Variants in TET2 observed in about 807,000 individuals in gnomAD.
The protein encoded by TET2 is methylcytosine dioxygenase TET2.
Under a neutral mutation model 142.9 loss-of-function variants are expected in TET2, and 299 were observed. The observed-to-expected ratio is 2.09, with a 90% CI of 1.90 to 2.30. The LOEUF (loss-of-function observed/expected upper bound fraction) is 2.30. Ranked by LOEUF, TET2 falls within the 30% of genes most tolerant of loss-of-function variation. The pLI is 0.00. For synonymous variants in TET2, 819 were observed against 849.0 expected, an observed-to-expected ratio of 0.96 and a Z score of 0.61; for missense variants, 2,418 against 2,378.0, an observed-to-expected ratio of 1.02 and a Z score of -0.35.
chr4:105,265,722 C>T (rs562192825), intron 8 of TET2, among the ~76,000 whole-genome samples: 1 of 152,242 alleles, frequency 6.6e-6, no homozygotes, highest in African/African-American at 2.4e-5. Flanking sequence ...ACAGAGACTA[C>T]ATATGCCGTT....
At chr4:105,193,479 G>A (rs1725904052) in intron 2 of TET2, among the ~76,000 whole-genome samples, 2 of 152,080 alleles carry the variant, frequency 1.3e-5, no homozygotes, top group African/African-American at 4.8e-5. Flanking sequence ...GTGAATTCTT[G>A]TATTTAGCTA....
intron 6 of TET2, among the ~76,000 whole-genome samples, chr4:105,246,077 C>T (rs1302077591): frequency 2.0e-5 from 3 of 152,124 alleles, no homozygotes; most frequent in Admixed American, 6.5e-5. Context: ...ATTACAGGCA[C>T]CCACCCGGCT....
intron 1 of TET2, chr4:105,171,269 C>A (rs1281022372): frequency 6.6e-6 from 1 of 151,674 alleles, no homozygotes; most frequent in Non-Finnish European, 1.5e-5. Flanking sequence ...GGATGTAGAC[C>A]AATACTATTA....
At chr4:105,237,579 A>G (rs1578681220) in intron 3 of TET2, 4 of 1,480,476 alleles carry the variant, frequency 2.7e-6, no homozygotes, top group Non-Finnish European at 3.6e-6. Flanking sequence ...ATAATCGTGC[A>G]TGTTTATTTT....
intron 1 of TET2, among the ~76,000 whole-genome samples, chr4:105,150,124 A>T (rs1198937814): frequency 6.6e-6 from 1 of 152,188 alleles, no homozygotes; most frequent in Non-Finnish European, 1.5e-5. Flanking sequence ...TCATAGGCAC[A>T]CCTCACAGAA....
intron 2 of TET2, among the ~76,000 whole-genome samples, chr4:105,220,883 G>A (rs1190644929): frequency 6.6e-6 from 1 of 152,042 alleles, no homozygotes; most frequent in East Asian, 1.9e-4. Flanking sequence ...GGGCATCCTT[G>A]CCCTGGACAG....
In TET2 at chr4:105,243,721, C is replaced by G. The variant is rs1296610391; in HGVS notation, c.3746C>G (p.Thr1249Ser). ...GCTGACAAACTCTACTCGGAGCTTA[C>G]CGAGACGCTGAGGAAATACGGCACG... is the stretch of plus-strand genomic sequence containing the variant. ...SLADKLYSEL[T>S]ETLRKYGTLT... is the part of the protein sequence containing the mutation. The change falls in exon 6 of 11, where the codon ACC (threonine) becomes AGC (serine). Residue 1249 changes from threonine (T) to serine (S), a missense_variant. Thr to Ser is a moderately conservative substitution (Grantham distance 58). Transcript: ENST00000380013. The G allele has an allele frequency of 6.4e-7, 1 of 1,551,470 alleles. No homozygotes were observed. The highest frequency in any genetic ancestry group is 2.0e-5 in the Admixed American group (1 of 50,966).
intron 9 of TET2, among the ~76,000 whole-genome samples, chr4:105,271,098 G>A (rs1730931782): frequency 6.6e-6 from 1 of 152,102 alleles, no homozygotes; most frequent in African/African-American, 2.4e-5. Context: ...CACATTGTTT[G>A]GTGGGGTTTT....
intron 2 of TET2, among the ~76,000 whole-genome samples, chr4:105,221,348 G>A (rs1186161132): frequency 6.6e-6 from 1 of 152,086 alleles, no homozygotes; most frequent in Non-Finnish European, 1.5e-5. Context: ...TACTAAACTG[G>A]CAGGTGTCTC....
At chr4:105,197,140 T>G (rs1265014306) in intron 2 of TET2, among the ~76,000 whole-genome samples, 1 of 152,192 alleles carries the variant, frequency 6.6e-6, no homozygotes, top group Admixed American at 6.5e-5. Flanking sequence ...TTCACTAAAG[T>G]ATCCTATCAA....
rs1461710063 is a variant in TET2 at position 105,243,588 on chromosome 4, A to G, written c.3613A>G (p.Ser1205Gly). The G allele has an allele frequency of 6.4e-7, 1 of 1,551,626 alleles. No individual in the cohort carries two copies. Among genetic ancestry groups the G allele is most frequent in the Admixed American group, 2.0e-5 (1 of 51,002 alleles). ...CACGCAGGTGGTTCGCAGAAGCAGC[A>G]GTGAAGAGAAGCTACTGTGTTTGGT... is the stretch of plus-strand genomic sequence containing the variant. ...IAKWVVRRSSSEEKLLCLVRE... is the reference protein window; with the variant it reads ...IAKWVVRRSSGEEKLLCLVRE... The change falls in exon 6 of 11, where the codon AGT becomes GGT. Residue 1205 changes from serine to glycine, a missense_variant. Coordinates refer to ENST00000380013, the MANE Select transcript of TET2 (RefSeq NM_001127208.3).
intron 1 of TET2, among the ~76,000 whole-genome samples, chr4:105,170,747 C>T (rs776269358): frequency 2.6e-5 from 4 of 152,256 alleles, no homozygotes; most frequent in African/African-American, 7.2e-5. Flanking sequence ...TACTCTTTTC[C>T]GATGCTAGTG....
At chr4:105,244,584 A>ATCTTTTTT (rs1237638072) in intron 6 of TET2, among the ~76,000 whole-genome samples, 1,218 of 116,662 alleles carry the variant, frequency 0.01, 139 homozygotes, top group Non-Finnish European at 0.011. Context: ...CTACACAGAA[A>ATCTTTTTT]TGTTTTTTTT....
chr4:105,197,938 CAT>C (rs1471895054), intron 2 of TET2, among the ~76,000 whole-genome samples: 1 of 152,046 alleles, frequency 6.6e-6, no homozygotes, highest in African/African-American at 2.4e-5. Context: ...ACCTTTTAGA[CAT>C]TTGAAAAATT....
At position 105,275,818 on chromosome 4, in the gene TET2, C is replaced by T. The variant is rs1400360603; in HGVS notation, c.5308C>T (p.Pro1770Ser). The stretch of plus-strand genomic sequence containing the variant: ...CATAATCCATAACTACAGTGCAGCT[C>T]CGGGCATGTTCAACAGCTCTCTTCA... ...SHIIHNYSAAPGMFNSSLHAL... is the reference protein window; with the variant it reads ...SHIIHNYSAASGMFNSSLHAL... Residue 1770 changes from proline to serine, a missense_variant, in exon 11 of 11, where the codon CCG becomes TCG. By Grantham distance (74) the Pro-to-Ser change is moderately conservative. Coordinates refer to ENST00000380013, the MANE Select transcript of TET2 (RefSeq NM_001127208.3). 6.4e-7 allele frequency: 1 copy of T among 1,551,768 alleles called. No individual in the cohort carries two copies. The highest frequency in any genetic ancestry group is 1.2e-5 in the South Asian group (1 of 84,058).
intron 2 of TET2, among the ~76,000 whole-genome samples, chr4:105,222,556 G>A (rs1051054658): frequency 5.9e-5 from 9 of 152,146 alleles, no homozygotes; most frequent in African/African-American, 2.2e-4. Context: ...ACTTTTTGAT[G>A]GGATTGTTTG....
At position 105,275,211 on chromosome 4, in the gene TET2, T is replaced by TA; in HGVS notation, c.4701_4702insA (p.Pro1568ThrfsTer10). 1 of 1,552,196 alleles carries TA rather than the reference T, an allele frequency of 6.4e-7. No individual in the cohort carries two copies. The highest frequency in any genetic ancestry group is 2.4e-5 in the East Asian group (1 of 40,912). The stretch of plus-strand genomic sequence containing the variant: ...CTTATTCTGCTTCTGGATCCACCAA[T>TA]CCATACATGAGACGGCCCAATCCAG... On this transcript the variant is annotated frameshift_variant, in exon 11 of 11. Transcript: ENST00000380013. LOFTEE classifies it low-confidence loss of function (END_TRUNC).
chr4:105,275,868 G>C lies in TET2; in HGVS notation c.5358G>C (p.Glu1786Asp). 1 of 1,551,988 alleles carries C rather than the reference G, an allele frequency of 6.4e-7. No individual in the cohort carries two copies. Among genetic ancestry groups the C allele is most frequent in the Non-Finnish European group, 8.7e-7 (1 of 1,147,022 alleles). The change falls in exon 11 of 11, where the codon GAG becomes GAC. Residue 1786 changes from glutamate (E) to aspartate (D), a missense_variant. Glu to Asp is a conservative substitution (Grantham distance 45). Coordinates refer to ENST00000380013, the MANE Select transcript of TET2 (RefSeq NM_001127208.3). ...ATGCCCTGCATCTCCAAAACAAGGA[G>C]AATGACATGCTTTCCCACACAGCTA... ...SLHALHLQNK[E>D]NDMLSHTANG...
At chr4:105,167,546 G>A (rs1335518393) in intron 1 of TET2, among the ~76,000 whole-genome samples, 1 of 151,948 alleles carries the variant, frequency 6.6e-6, no homozygotes, top group Non-Finnish European at 1.5e-5. Context: ...TACTTTATTT[G>A]CTCCCCTTTT....
Sources: gnomAD v4.1 joint callset for allele counts (sites outside exome capture counted in the v4.1 genomes callset) on GRCh38, gnomAD v4.1.1 for gene constraint, MANE v1.5 for transcripts, NCBI Gene and HGNC (gene_info 2026-07-23, HGNC 2026-07-21) for gene names.